Variants in ARFIP1 observed in about 807,000 individuals in gnomAD.
ARFIP1 encodes the protein arfaptin-1.
ARFIP1 carries 24 observed loss-of-function variants against 42.5 expected under a neutral mutation model. The observed-to-expected ratio is 0.57, with a 90% CI of 0.41 to 0.80. The LOEUF is 0.80. Ranked by LOEUF, ARFIP1 falls within the 30% of genes least tolerant of loss-of-function variation. The pLI, the probability that ARFIP1 is intolerant of heterozygous loss-of-function variation, is 0.00. For synonymous variants in ARFIP1, 141 were observed against 153.7 expected (o/e 0.92, Z 0.61); for missense variants, 354 against 434.0 (o/e 0.82, Z 1.64).
At chr4:152,810,414 T>C (rs1729351350) in intron 1 of ARFIP1, 1 of 152,220 alleles carries the variant, frequency 6.6e-6, no homozygotes, top group South Asian at 2.1e-4. Flanking sequence ...AATATGTTAC[T>C]GTCTTTTACT....
chr4:152,819,796 C>A (rs1418114396), intron 1 of ARFIP1, among the ~76,000 whole-genome samples: 2 of 152,128 alleles, frequency 1.3e-5, no homozygotes, highest in Non-Finnish European at 2.9e-5. Flanking sequence ...CCCTGGTGCT[C>A]CTGAAGGGTC....
intron 8 of ARFIP1, among the ~76,000 whole-genome samples, chr4:152,889,654 GTA>G (rs1410998248): frequency 2.5e-5 from 3 of 122,336 alleles, no homozygotes; most frequent in Non-Finnish European, 3.3e-5. Context: ...ACTATATATA[GTA>G]TATATACACT....
At chr4:152,781,138 A>G (rs993779450) in intron 1 of ARFIP1, among the ~76,000 whole-genome samples, 9 of 152,084 alleles carry the variant, frequency 5.9e-5, no homozygotes, top group Non-Finnish European at 1.0e-4. Flanking sequence ...CATGTTTGCC[A>G]TTTAATTAAC....
intron 8 of ARFIP1, among the ~76,000 whole-genome samples, chr4:152,904,006 C>G (rs1738068469): frequency 6.6e-6 from 1 of 151,844 alleles, no homozygotes; most frequent in African/African-American, 2.4e-5. Context: ...TGCTTTTATT[C>G]TCTCCTCTAA....
chr4:152,808,079 C>T (rs1729126183), intron 1 of ARFIP1, among the ~76,000 whole-genome samples: 2 of 152,052 alleles, frequency 1.3e-5, no homozygotes, highest in African/African-American at 4.8e-5. Context: ...CTCCCAGGTT[C>T]AAGTGATTCT....
chr4:152,782,226 GTGT>G (rs1561091359), intron 1 of ARFIP1, among the ~76,000 whole-genome samples: 658 of 32,638 alleles, frequency 0.02, 4 homozygotes, highest in African/African-American at 0.049. Context: ...AGGTAGGGGT[GTGT>G]GTGTGTGTGT....
intron 2 of ARFIP1, among the ~76,000 whole-genome samples, chr4:152,854,225 T>G (rs55662737): frequency 0.043 from 6,504 of 152,302 alleles, 174 homozygotes; most frequent in South Asian, 0.11. Context: ...GTTCTGAGAT[T>G]CTTTCTTCTG....
At chr4:152,798,723 G>T (rs961062916) in intron 1 of ARFIP1, among the ~76,000 whole-genome samples, 2 of 152,122 alleles carry the variant, frequency 1.3e-5, no homozygotes, top group Non-Finnish European at 2.9e-5. Context: ...GTACTTATTT[G>T]TGTGTATATT....
In ARFIP1 at chr4:152,808,246, C is replaced by G. The variant is rs144798634; in HGVS notation, c.-9-21379C>G. Among the ~76,000 whole-genome samples, 21 of 130,354 alleles carry G rather than the reference C, an allele frequency of 1.6e-4. No individual in the cohort carries two copies. The East Asian group carries it at 5.1e-3, about 32-fold the overall frequency. The allele number at this position is 130,354 out of a possible 152,430, so 85.5% of individuals were successfully genotyped here. On this transcript the variant is annotated intron_variant, in intron 1 of 8. Coordinates refer to ENST00000353617, the MANE Select transcript of ARFIP1 (RefSeq NM_001025595.3). ...CTTCCCACCTTGGCCTCCCAAAGTG[C>G]TGGGATTACAGGTGTGAGCCACCAC...
intron 1 of ARFIP1, among the ~76,000 whole-genome samples, chr4:152,823,475 A>C (rs897590679): frequency 2.0e-5 from 3 of 152,188 alleles, no homozygotes; most frequent in African/African-American, 7.2e-5. Context: ...TCTACCAGAT[A>C]TTCAAAGAAA....
chr4:152,892,095 C>T (rs571574471), intron 8 of ARFIP1, among the ~76,000 whole-genome samples: 2 of 152,194 alleles, frequency 1.3e-5, no homozygotes, highest in Admixed American at 1.3e-4. Context: ...TTTAAAGATA[C>T]TGGCTCTCAC....
At chr4:152,790,817 T>G (rs1164319795) in intron 1 of ARFIP1, among the ~76,000 whole-genome samples, 1 of 142,714 alleles carries the variant, frequency 7.0e-6, no homozygotes, top group Non-Finnish European at 1.5e-5. Context: ...TACTGCAACC[T>G]CTGCCTCCCA....
At chr4:152,796,352 G>C in intron 1 of ARFIP1, 1 of 732,288 alleles carries the variant, frequency 1.4e-6, no homozygotes, top group East Asian at 2.5e-5. Flanking sequence ...ATATTTAGGT[G>C]GTTTTCTTGT....
chr4:152,796,496 T>G, intron 1 of ARFIP1: 1 of 735,504 alleles, frequency 1.4e-6, no homozygotes, highest in Non-Finnish European at 2.5e-6. Context: ...CTTCCCATTT[T>G]CCCTCATTCT....
At chr4:152,791,159 T>G (rs1324109678) in intron 1 of ARFIP1, among the ~76,000 whole-genome samples, 1 of 152,244 alleles carries the variant, frequency 6.6e-6, no homozygotes, top group African/African-American at 2.4e-5. Flanking sequence ...GACAGAAGAA[T>G]AATGTAAGTT....
At chr4:152,783,172 G>A (rs1176036236) in intron 1 of ARFIP1, among the ~76,000 whole-genome samples, 1 of 152,108 alleles carries the variant, frequency 6.6e-6, no homozygotes. Flanking sequence ...AGCCGGGTGT[G>A]TGTTGCATGC....
At chr4:152,908,616 A>G (rs758284797) in intron 8 of ARFIP1, among the ~76,000 whole-genome samples, 3 of 152,034 alleles carry the variant, frequency 2.0e-5, no homozygotes, top group Non-Finnish European at 4.4e-5. Context: ...TCTCAAAAAA[A>G]AAGAAAAGAA....
At chr4:152,782,507 T>G (rs1231439106) in intron 1 of ARFIP1, among the ~76,000 whole-genome samples, 5 of 152,222 alleles carry the variant, frequency 3.3e-5, no homozygotes, top group African/African-American at 1.2e-4. Flanking sequence ...TGCCTATCTT[T>G]AATATGTATT....
At chr4:152,845,730 C>CACTT (rs1001167993) in intron 2 of ARFIP1, among the ~76,000 whole-genome samples, 1 of 152,112 alleles carries the variant, frequency 6.6e-6, no homozygotes, top group Non-Finnish European at 1.5e-5. Flanking sequence ...AAAAAGGGAA[C>CACTT]ACTTATACAC....
Sources: gnomAD v4.1 joint callset for allele counts (sites outside exome capture counted in the v4.1 genomes callset) on GRCh38, gnomAD v4.1.1 for gene constraint, MANE v1.5 for transcripts, NCBI Gene and HGNC (gene_info 2026-07-23, HGNC 2026-07-21) for gene names.